Variants in PLCE1 observed in about 807,000 individuals in gnomAD.
PLCE1 encodes the protein 1-phosphatidylinositol 4,5-bisphosphate phosphodiesterase epsilon-1.
Under a neutral mutation model 242.8 loss-of-function variants are expected in PLCE1, and 119 were observed. The ratio of observed to expected loss-of-function variants is 0.49; its 90% CI spans 0.42 to 0.57. The LOEUF (loss-of-function observed/expected upper bound fraction) is 0.57. PLCE1 is among the 20% of genes least tolerant of loss of function. PLCE1 has a pLI of 0.00. For missense variants in PLCE1, 2,441 were observed against 2,788.8 expected (o/e 0.88, Z 2.81); for synonymous variants, 945 against 1,017.4 (o/e 0.93, Z 1.35).
intron 2 of PLCE1, among the ~76,000 whole-genome samples, chr10:94,106,404 T>G (rs904450049): frequency 2.6e-5 from 4 of 152,244 alleles, no homozygotes; most frequent in African/African-American, 7.2e-5. Context: ...TAGTATACTC[T>G]TGTATGGATA....
chr10:94,150,658 G>T (rs2047246841), intron 3 of PLCE1, among the ~76,000 whole-genome samples: 1 of 152,146 alleles, frequency 6.6e-6, no homozygotes, highest in South Asian at 2.1e-4. Context: ...CTTCTAGCTG[G>T]GAGTTCACAG....
At chr10:94,068,300 C>T (rs745339752) in intron 2 of PLCE1, among the ~76,000 whole-genome samples, 5 of 152,196 alleles carry the variant, frequency 3.3e-5, no homozygotes, top group Non-Finnish European at 5.9e-5. Flanking sequence ...TCATACTCCA[C>T]GCTTCTCCAC....
At chr10:94,146,181 T>A (rs1164880360) in intron 3 of PLCE1, among the ~76,000 whole-genome samples, 1 of 152,140 alleles carries the variant, frequency 6.6e-6, no homozygotes, top group African/African-American at 2.4e-5. Flanking sequence ...GAGTGGCACT[T>A]ACAAACCTGA....
intron 2 of PLCE1, among the ~76,000 whole-genome samples, chr10:94,102,660 C>A (rs2135507594): frequency 6.6e-6 from 1 of 152,306 alleles, no homozygotes; most frequent in Middle Eastern, 3.4e-3. Flanking sequence ...GAGGCCTAGG[C>A]CAGAACTCAT....
At chr10:94,253,855 A>G (rs980551702) in intron 9 of PLCE1, among the ~76,000 whole-genome samples, 10 of 152,194 alleles carry the variant, frequency 6.6e-5, no homozygotes, top group Non-Finnish European at 1.5e-4. Context: ...TCATCTATCT[A>G]GAAAAAGTGC....
At chr10:94,133,757 A>G (rs10786152) in intron 3 of PLCE1, among the ~76,000 whole-genome samples, 75,554 of 152,058 alleles carry the variant, frequency 0.5, 19,092 homozygotes, top group East Asian at 0.67. Context: ...GGGAACACTA[A>G]TGGCTTCATG....
chr10:94,005,226 C>G (rs1299539697), intron 1 of PLCE1, among the ~76,000 whole-genome samples: 2 of 152,194 alleles, frequency 1.3e-5, no homozygotes, highest in African/African-American at 4.8e-5. Flanking sequence ...AAATGCTCAC[C>G]TTGTGACCAG....
chr10:94,086,445 G>A (rs1221751768), intron 2 of PLCE1, among the ~76,000 whole-genome samples: 1 of 152,198 alleles, frequency 6.6e-6, no homozygotes, highest in Non-Finnish European at 1.5e-5. Flanking sequence ...CATATTAGCA[G>A]TAATTTGGAT....
At position 94,031,680 on chromosome 10, in the gene PLCE1, G is replaced by A. The variant is rs776583769; in HGVS notation, c.634G>A (p.Asp212Asn). 8.4e-5 allele frequency: 135 copies of A among 1,613,682 alleles called. 2 individuals are homozygous for A. In the South Asian group the frequency reaches 1.2e-3, roughly 15 times the overall value. The change falls in exon 2 of 33, where the codon GAT (aspartate) becomes AAT (asparagine). Residue 212 changes from aspartate to asparagine, a missense_variant. By Grantham distance (23) the Asp-to-Asn change is conservative. This residue lies in a region of PLCE1 where 393 missense variants were observed against 378.5 expected (regional missense o/e 1.04). Coordinates refer to ENST00000371380, the MANE Select transcript of PLCE1 (RefSeq NM_016341.4). ...CTLSENLILD[D>N]CGNCVPLPGG... is the part of the protein sequence containing the mutation. ...CCTATCAGAAAACTTAATTTTAGAC[G>A]ATTGTGGAAATTGTGTACCACTACC... is the stretch of plus-strand genomic sequence containing the variant.
intron 3 of PLCE1, among the ~76,000 whole-genome samples, chr10:94,142,298 C>T (rs1388806373): frequency 2.0e-5 from 3 of 146,602 alleles, no homozygotes; most frequent in South Asian, 2.2e-4. Context: ...AAGAAGATCA[C>T]GTTAGGCCAG....
intron 1 of PLCE1, among the ~76,000 whole-genome samples, chr10:93,996,468 G>A (rs865913344): frequency 1.3e-5 from 2 of 152,146 alleles, no homozygotes; most frequent in South Asian, 4.2e-4. Context: ...AGGGTTTTAG[G>A]GAAGCATGTG....
chr10:94,090,176 A>G (rs1176753314), intron 2 of PLCE1, among the ~76,000 whole-genome samples: 1 of 152,138 alleles, frequency 6.6e-6, no homozygotes, highest in Non-Finnish European at 1.5e-5. Flanking sequence ...TTTTCTTAAA[A>G]AAAAAAAGGA....
chr10:94,160,918 G>A (rs1017039465), intron 3 of PLCE1, among the ~76,000 whole-genome samples: 1 of 152,154 alleles, frequency 6.6e-6, no homozygotes, highest in South Asian at 2.1e-4. Flanking sequence ...GATAGTTGTA[G>A]CTAAGCAGCA....
intron 2 of PLCE1, among the ~76,000 whole-genome samples, chr10:94,109,405 C>T (rs1028723139): frequency 2.0e-5 from 3 of 152,120 alleles, no homozygotes; most frequent in African/African-American, 7.2e-5. Flanking sequence ...GTTAGGAGTT[C>T]GAGACCAGCC....
chr10:94,169,853 G>A (rs553718515), intron 3 of PLCE1, among the ~76,000 whole-genome samples: 1 of 152,226 alleles, frequency 6.6e-6, no homozygotes, highest in Admixed American at 6.5e-5. Context: ...ACATGCCTGT[G>A]ATGGAAAGTC....
At chr10:94,207,700 G>C (rs772659559) in intron 4 of PLCE1, among the ~76,000 whole-genome samples, 37 of 152,120 alleles carry the variant, frequency 2.4e-4, no homozygotes, top group South Asian at 2.1e-4. Context: ...GGAGAAAATG[G>C]CTGATGCCAT....
intron 7 of PLCE1, among the ~76,000 whole-genome samples, chr10:94,239,189 G>A (rs2050418622): frequency 6.6e-6 from 1 of 152,200 alleles, no homozygotes; most frequent in South Asian, 2.1e-4. Context: ...AGTTCTGAGG[G>A]TGATATGGTT....
chr10:94,207,912 ATG>A (rs779980408), intron 4 of PLCE1, among the ~76,000 whole-genome samples: 102 of 152,360 alleles, frequency 6.7e-4, no homozygotes, highest in South Asian at 1.9e-3. Context: ...GCCAATTTAA[ATG>A]AATATGTGAA....
At chr10:94,013,100 A>G (rs1004424560) in intron 1 of PLCE1, among the ~76,000 whole-genome samples, 1 of 152,232 alleles carries the variant, frequency 6.6e-6, no homozygotes, top group African/African-American at 2.4e-5. Context: ...CAAGGCAGGA[A>G]GCATCTTTGT....
Sources: allele counts gnomAD v4.1 joint callset (sites outside exome capture counted in the v4.1 genomes callset), GRCh38; gene constraint gnomAD v4.1.1; regional missense constraint gnomAD v4.1.1; transcripts MANE v1.5; gene names NCBI Gene and HGNC (gene_info 2026-07-23, HGNC 2026-07-21).